Variants in INPP4B observed in about 807,000 individuals in gnomAD.
INPP4B encodes inositol polyphosphate 4-phosphatase type II.
Under a neutral mutation model 122.5 loss-of-function variants are expected in INPP4B, and 55 were observed. That is an observed-to-expected ratio of 0.45 (90% CI 0.36 to 0.56). The LOEUF is 0.56. Among genes scored for constraint, INPP4B ranks in the 20% least tolerant of loss-of-function variants. The probability of loss-of-function intolerance (pLI) is 0.00; values close to 1 mark genes in which losing one functional copy is unlikely to be tolerated. For missense variants in INPP4B, 1,000 were observed against 1,097.7 expected (o/e 0.91, Z 1.26); for synonymous variants, 403 against 388.7 (o/e 1.04, Z -0.43).
intron 16 of INPP4B, among the ~76,000 whole-genome samples, 168 bp downstream of exon 16, chr4:142,173,464 G>C (rs564615176): frequency 6.6e-6 from 1 of 151,104 alleles, no homozygotes; most frequent in South Asian, 2.1e-4. Context: ...TTTGAACAGA[G>C]AATGAGGCCA....
chr4:142,767,072 A>C (rs1772258384), intron 1 of INPP4B, among the ~76,000 whole-genome samples: 1 of 152,222 alleles, frequency 6.6e-6, no homozygotes, highest in Non-Finnish European at 1.5e-5. Flanking sequence ...GGTTTCCTCA[A>C]TGATAATCTA....
chr4:142,407,077 G>A lies in INPP4B; in HGVS notation c.137-1753C>T, dbSNP rs79312908. ...GGTGCCAGGTTTCAATAATGTCAAC[G>A]TATCACCGGAAGGAAAGAAAAAGCT... On this transcript the variant is annotated intron_variant, in intron 5 of 25. Transcript: ENST00000262992. Among the ~76,000 whole-genome samples, 843 of 152,246 alleles carry A rather than the reference G, an allele frequency of 5.5e-3. 4 individuals carry two copies. The highest frequency in any genetic ancestry group is 0.019 in the African/African-American group (804 of 41,530).
chr4:142,791,785 T>C (rs1214549472), intron 1 of INPP4B, among the ~76,000 whole-genome samples: 1 of 152,074 alleles, frequency 6.6e-6, no homozygotes, highest in Non-Finnish European at 1.5e-5. Flanking sequence ...GTGTGCACCC[T>C]GACACCCAGG....
intron 2 of INPP4B, among the ~76,000 whole-genome samples, chr4:142,594,971 A>G (rs1738376546): frequency 6.6e-6 from 1 of 151,294 alleles, no homozygotes; most frequent in Non-Finnish European, 1.5e-5. Context: ...AAAAAAAAAA[A>G]AAAAAAGAAA....
rs571421661 is a variant in INPP4B at position 142,197,135 on chromosome 4, A to AAAAAAG, written c.1073-3941_1073-3940insCTTTTT. ...GAGTGAAACTCCGTCTCAAAAAAAA[A>AAAAAAG]AAAAAAAAAAAGAAAGTGAAAATTA... On this transcript the variant is annotated intron_variant, in intron 14 of 25. Transcript: ENST00000262992. Among the ~76,000 whole-genome samples, 22 of 148,106 alleles carry AAAAAAG rather than the reference A, an allele frequency of 1.5e-4. No individual in the cohort carries two copies. In the East Asian group the frequency reaches 3.3e-3, roughly 22 times the overall value.
intron 7 of INPP4B, among the ~76,000 whole-genome samples, chr4:142,368,644 T>C (rs1263653714): frequency 6.6e-6 from 1 of 151,682 alleles, no homozygotes; most frequent in East Asian, 1.9e-4. Flanking sequence ...CAGTACTCAG[T>C]GTTGAAATGT....
At chr4:142,591,340 A>G (rs1432366881) in intron 2 of INPP4B, among the ~76,000 whole-genome samples, 1 of 152,274 alleles carries the variant, frequency 6.6e-6, no homozygotes, top group Non-Finnish European at 1.5e-5. Context: ...AAGAAAGGGA[A>G]CAATTGAAGG....
chr4:142,311,967 A>G (rs1474522118), intron 8 of INPP4B, among the ~76,000 whole-genome samples: 3 of 152,112 alleles, frequency 2.0e-5, no homozygotes, highest in Non-Finnish European at 4.4e-5. Context: ...GCCCTGGACA[A>G]TTTTCCCAAG....
chr4:142,516,309 G>A (rs1253775248), intron 2 of INPP4B, among the ~76,000 whole-genome samples: 2 of 152,146 alleles, frequency 1.3e-5, no homozygotes, highest in Non-Finnish European at 2.9e-5. Context: ...TACATTATTT[G>A]TCTTAAACAG....
intron 23 of INPP4B, among the ~76,000 whole-genome samples, chr4:142,087,401 G>A (rs896354129): frequency 2.0e-5 from 3 of 152,106 alleles, no homozygotes; most frequent in Non-Finnish European, 2.9e-5. Context: ...TACTAAAAAC[G>A]GAGACAATGT....
chr4:142,314,340 C>A (rs1766677692), intron 8 of INPP4B, among the ~76,000 whole-genome samples: 3 of 152,106 alleles, frequency 2.0e-5, no homozygotes, highest in Non-Finnish European at 4.4e-5. Context: ...ACAGAAAATA[C>A]CACAATCCTA....
At chr4:142,342,001 T>C (rs1778857110) in intron 7 of INPP4B, among the ~76,000 whole-genome samples, 1 of 152,214 alleles carries the variant, frequency 6.6e-6, no homozygotes. Flanking sequence ...AGGACTGTGC[T>C]AAGACTAAGT....
intron 2 of INPP4B, among the ~76,000 whole-genome samples, chr4:142,597,776 G>T (rs1339033444): frequency 6.6e-6 from 1 of 152,074 alleles, no homozygotes; most frequent in Non-Finnish European, 1.5e-5. Flanking sequence ...GAAACAACAA[G>T]ATCTATAATA....
At chr4:142,183,220 C>T (rs533184406) in intron 15 of INPP4B, among the ~76,000 whole-genome samples, 1 of 152,242 alleles carries the variant, frequency 6.6e-6, no homozygotes, top group South Asian at 2.1e-4. Context: ...ATACAACCCC[C>T]AAGTTGCCCC....
intron 2 of INPP4B, among the ~76,000 whole-genome samples, chr4:142,470,115 T>C (rs893597626): frequency 7.2e-5 from 11 of 152,000 alleles, no homozygotes; most frequent in African/African-American, 2.4e-4. Context: ...TTGAAGCTTA[T>C]AAGTGCTAGA....
chr4:142,579,870 GATA>G (rs1734647058), intron 2 of INPP4B, among the ~76,000 whole-genome samples: 14 of 117,348 alleles, frequency 1.2e-4, no homozygotes, highest in African/African-American at 4.3e-4. Flanking sequence ...TAGATAGATA[GATA>G]GGTAGGTAGA....
intron 25 of INPP4B, chr4:142,030,326 G>A: frequency 6.5e-7 from 1 of 1,528,106 alleles, no homozygotes; most frequent in Non-Finnish European, 8.8e-7. Flanking sequence ...GGAAGTTGGG[G>A]GGGAAAAGAA....
intron 2 of INPP4B, among the ~76,000 whole-genome samples, chr4:142,695,132 A>T (rs1760844651): frequency 6.6e-6 from 1 of 152,202 alleles, no homozygotes; most frequent in Non-Finnish European, 1.5e-5. Context: ...AAATTATAAA[A>T]TTATGTATAA....
intron 12 of INPP4B, among the ~76,000 whole-genome samples, chr4:142,234,264 G>A (rs1230029527): frequency 2.6e-5 from 4 of 152,020 alleles, no homozygotes; most frequent in African/African-American, 9.7e-5. Flanking sequence ...TTAGCATTTA[G>A]GAAGAGCGTA....
Sources: gnomAD v4.1 joint callset for allele counts (sites outside exome capture counted in the v4.1 genomes callset) on GRCh38, gnomAD v4.1.1 for gene constraint, MANE v1.5 for transcripts, NCBI Gene and HGNC (gene_info 2026-07-23, HGNC 2026-07-21) for gene names.